The following ATXN8OS variants were observed in gnomAD, a reference collection of about 807,000 sequenced individuals.
ATXN8OS encodes the protein ATXN8 opposite strand (non-protein coding).
intron 4 of ATXN8OS, among the ~76,000 whole-genome samples, chr13:70,156,764 T>C (rs950775016): frequency 1.1e-4 from 17 of 152,286 alleles, no homozygotes; most frequent in African/African-American, 3.8e-4. Context: ...TACCACACTA[T>C]CAAATTAGCT....
intron 4 of ATXN8OS, among the ~76,000 whole-genome samples, chr13:70,169,062 T>C (rs910788971): frequency 1.3e-5 from 2 of 152,112 alleles, no homozygotes; most frequent in African/African-American, 4.8e-5. Context: ...TAGATTGCTA[T>C]TTTAAGTCAG....
intron 2 of ATXN8OS, among the ~76,000 whole-genome samples, chr13:70,116,489 T>C (rs1348887064): frequency 6.6e-6 from 1 of 152,104 alleles, no homozygotes; most frequent in African/African-American, 2.4e-5. Context: ...TAAAGTTTGG[T>C]GTATTTAAGG....
At chr13:70,124,998 T>A (rs1390249644) in intron 2 of ATXN8OS, among the ~76,000 whole-genome samples, 2 of 151,474 alleles carry the variant, frequency 1.3e-5, no homozygotes, top group African/African-American at 4.8e-5. Context: ...AAGTTCTTAG[T>A]GGTTGTGTTT....
At chr13:70,156,487 T>C (rs680256) in intron 4 of ATXN8OS, among the ~76,000 whole-genome samples, 121,547 of 151,522 alleles carry the variant, frequency 0.8, 49,125 homozygotes, top group Middle Eastern at 0.88. Flanking sequence ...TTATATTTTA[T>C]GATAATTTCT....
chr13:70,161,358 C>T (rs1889007049), intron 4 of ATXN8OS, among the ~76,000 whole-genome samples: 1 of 152,024 alleles, frequency 6.6e-6, no homozygotes, highest in Admixed American at 6.6e-5. Context: ...AAATTTTTTT[C>T]ACCTTAGCTA....
upstream of ATXN8OS, chr13:70,107,779 C>T (rs1305743795): frequency 2.6e-6 from 3 of 1,141,866 alleles, no homozygotes; most frequent in South Asian, 1.6e-5. Context: ...CAGCGGGGCC[C>T]GGGGGCGGAG....
chr13:70,118,184 T>C (rs1888307761), intron 2 of ATXN8OS, among the ~76,000 whole-genome samples: 1 of 152,086 alleles, frequency 6.6e-6, no homozygotes, highest in Non-Finnish European at 1.5e-5. Flanking sequence ...TTTTATCCTC[T>C]CCTGTGAGTT....
In ATXN8OS at chr13:70,135,777, A is replaced by G. The variant is rs138435687; in HGVS notation, n.499+5893A>G. 1.4e-4 allele frequency among the ~76,000 whole-genome samples: 21 copies of G among 152,276 alleles called. No individual in the cohort carries two copies. In the East Asian group the frequency reaches 3.5e-3, roughly 25 times the overall value. ...AGATTCTTCTGTCACTCATTTTTTG[A>G]TCATGAATTTATAGTGACTAACCAG... On this transcript the variant is annotated intron_variant and non_coding_transcript_variant, in intron 3 of 4. Transcript: ENST00000678624.
chr13:70,117,730 T>G (rs1281467856), intron 2 of ATXN8OS, among the ~76,000 whole-genome samples: 1 of 152,048 alleles, frequency 6.6e-6, no homozygotes, highest in African/African-American at 2.4e-5. Flanking sequence ...AAAATAGAAG[T>G]TAACGTGTAG....
intron 2 of ATXN8OS, chr13:70,129,763 T>C: frequency 2.5e-6 from 1 of 398,446 alleles, no homozygotes; most frequent in South Asian, 1.3e-4. Flanking sequence ...CTGAACTCTC[T>C]CTCTGCTTTA....
At chr13:70,111,137 T>C (rs1415759527) in intron 1 of ATXN8OS, among the ~76,000 whole-genome samples, 2 of 152,216 alleles carry the variant, frequency 1.3e-5, no homozygotes, top group Admixed American at 6.5e-5. Context: ...AAGTATTTAC[T>C]GTAATACACA....
At chr13:70,131,801 TG>T (rs1443952388) in intron 3 of ATXN8OS, among the ~76,000 whole-genome samples, 8 of 152,184 alleles carry the variant, frequency 5.3e-5, no homozygotes, top group Admixed American at 4.6e-4. Flanking sequence ...TGCCATGTTC[TG>T]TAAACTCAAT....
chr13:70,167,310 T>C (rs563797622), intron 4 of ATXN8OS, among the ~76,000 whole-genome samples: 8 of 152,220 alleles, frequency 5.3e-5, no homozygotes, highest in East Asian at 1.9e-4. Context: ...CACATATACA[T>C]CATGGAATAC....
intron 1 of ATXN8OS, among the ~76,000 whole-genome samples, chr13:70,114,559 T>C (rs1313693524): frequency 6.6e-6 from 1 of 152,142 alleles, no homozygotes; most frequent in Admixed American, 6.5e-5. Flanking sequence ...TTATATTACA[T>C]TCTTTAAATT....
At chr13:70,129,320 T>C (rs1888493232) in intron 2 of ATXN8OS, among the ~76,000 whole-genome samples, 1 of 152,158 alleles carries the variant, frequency 6.6e-6, no homozygotes, top group Non-Finnish European at 1.5e-5. Context: ...TTAAATATAA[T>C]CATACTTGGA....
At chr13:70,161,726 C>G (rs920978900) in intron 4 of ATXN8OS, among the ~76,000 whole-genome samples, 2 of 150,630 alleles carry the variant, frequency 1.3e-5, no homozygotes, top group African/African-American at 2.4e-5. Flanking sequence ...TTTGAATACC[C>G]AACATCTTGT....
chr13:70,160,407 A>G (rs1263751579), intron 4 of ATXN8OS, among the ~76,000 whole-genome samples: 1 of 151,968 alleles, frequency 6.6e-6, no homozygotes, highest in African/African-American at 2.4e-5. Context: ...GCAGTCCAAG[A>G]TCAAAGTGCC....
intron 4 of ATXN8OS, among the ~76,000 whole-genome samples, chr13:70,158,849 T>C (rs940220527): frequency 2.0e-5 from 3 of 152,148 alleles, no homozygotes; most frequent in African/African-American, 7.2e-5. Flanking sequence ...GACTGTAAAA[T>C]AGGCAGAGGG....
intron 1 of ATXN8OS, among the ~76,000 whole-genome samples, chr13:70,110,707 ATTAAT>A (rs1192943590): frequency 6.6e-6 from 1 of 152,058 alleles, no homozygotes; most frequent in Non-Finnish European, 1.5e-5. Context: ...TACTGCACTA[ATTAAT>A]TTATCTATTA....
Sources: gnomAD v4.1 joint callset for allele counts (sites outside exome capture counted in the v4.1 genomes callset) on GRCh38, gnomAD v4.1.1 for gene constraint, MANE v1.5 for transcripts, NCBI Gene and HGNC (gene_info 2026-07-23, HGNC 2026-07-21) for gene names.